Variants in MIAT observed in about 807,000 individuals in gnomAD.
The protein encoded by MIAT is myocardial infarction associated transcript.
At chr22:26,647,369 G>C (rs1050037820) in intron 2 of MIAT, 1 of 344,834 alleles carries the variant, frequency 2.9e-6, no homozygotes. Context: ...GGGGACGTGG[G>C]GGGTGGAGAG....
Position 26,652,443 on chromosome 22 carries a change from C to T in MIAT, n.646+5132C>T, listed in dbSNP as rs538872700. 1.1e-4 allele frequency among the ~76,000 whole-genome samples: 16 copies of T among 152,144 alleles called. No individual in the cohort carries two copies. In the South Asian group the frequency reaches 3.3e-3, roughly 32 times the overall value. ...CATGATCTCACCTCACTGCAACCTC[C>T]AACTCCCGGGTTCAAGCAATTCTCC... On this transcript the variant is annotated intron_variant and non_coding_transcript_variant, in intron 2 of 5. Coordinates refer to ENST00000643270, the Ensembl canonical transcript of MIAT.
downstream of MIAT, chr22:26,672,319 G>A (rs1602373882): frequency 2.5e-6 from 1 of 399,138 alleles, no homozygotes; most frequent in Non-Finnish European, 4.4e-6. Flanking sequence ...GTAGACAGAT[G>A]TCCCACTTTG....
intron 2 of MIAT, among the ~76,000 whole-genome samples, chr22:26,652,824 G>A (rs1279090257): frequency 1.3e-5 from 2 of 152,152 alleles, no homozygotes; most frequent in African/African-American, 4.8e-5. Flanking sequence ...GAATTCTCCT[G>A]GAAATCTGGG....
chr22:26,652,715 C>G (rs1052900078), intron 2 of MIAT, among the ~76,000 whole-genome samples: 1 of 152,148 alleles, frequency 6.6e-6, no homozygotes, highest in African/African-American at 2.4e-5. Context: ...CAATGGGAAC[C>G]CTGGCCTCCA....
chr22:26,653,354 G>C (rs954717026), intron 2 of MIAT, among the ~76,000 whole-genome samples: 6 of 152,182 alleles, frequency 3.9e-5, no homozygotes, highest in Admixed American at 3.9e-4. Flanking sequence ...CTGAGTTACA[G>C]TCTATTTGCA....
At chr22:26,668,224 T>C (rs370059768) in exon 6 of MIAT, 62 of 398,694 alleles carry the variant, frequency 1.6e-4, no homozygotes, top group East Asian at 1.4e-3. Context: ...TCGGGTGACC[T>C]TGGATTCTGG....
At chr22:26,665,769 A>G (rs1988023805) in exon 4 of MIAT, 1 of 398,666 alleles carries the variant, frequency 2.5e-6, no homozygotes, top group Non-Finnish European at 4.4e-6. Flanking sequence ...AGAAAGAAAG[A>G]GCCTGTCCCC....
At chr22:26,657,746 G>A in intron 2 of MIAT, 1 of 398,390 alleles carries the variant, frequency 2.5e-6, no homozygotes, top group South Asian at 1.3e-4. Context: ...TGGGGTCGAG[G>A]GTAGGTCCCA....
At chr22:26,654,989 G>A (rs5761662) in intron 2 of MIAT, among the ~76,000 whole-genome samples, 26,918 of 152,172 alleles carry the variant, frequency 0.18, 2,693 homozygotes, top group East Asian at 0.35. Context: ...TGGGATTACA[G>A]GCGTGAGCTG....
At chr22:26,655,503 TG>T (rs1930411678) in intron 2 of MIAT, among the ~76,000 whole-genome samples, 2 of 152,354 alleles carry the variant, frequency 1.3e-5, no homozygotes, top group South Asian at 4.1e-4. Flanking sequence ...AAATATGTCG[TG>T]AGCCCTTACT....
chr22:26,676,328 G>A (rs1931263605), exon 5 of MIAT: 1 of 398,650 alleles, frequency 2.5e-6, no homozygotes, highest in East Asian at 3.6e-5. Flanking sequence ...GATACCGAAT[G>A]TGTGGGTAGA....
chr22:26,673,992 A>G (rs765646566), downstream of MIAT: 2 of 398,694 alleles, frequency 5.0e-6, no homozygotes, highest in Non-Finnish European at 8.8e-6. Context: ...TGCAGCTCTT[A>G]TAAACCTTAA....
At chr22:26,648,060 G>A (rs1226826318) in intron 2 of MIAT, among the ~76,000 whole-genome samples, 1 of 152,198 alleles carries the variant, frequency 6.6e-6, no homozygotes, top group African/African-American at 2.4e-5. Context: ...GTGGCTGAGA[G>A]GGGTGGCGGC....
rs58654108 is a variant in MIAT at position 26,661,917 on chromosome 22, C to CAT, written n.647-1355_647-1354dup. Among the ~76,000 whole-genome samples, 570 of 80,134 alleles carry CAT rather than the reference C, an allele frequency of 7.1e-3. 1 individual carries two copies. The highest frequency in any genetic ancestry group is 0.011 in the Non-Finnish European group (416 of 36,690). 52.6% of individuals were successfully genotyped at this position (80,134 alleles called of 152,430 possible). ...ATATATATATGGATCTATATAGATCCATATATATATATATATATATATATA... is the reference window on the plus strand; with the variant it reads ...ATATATATATGGATCTATATAGATCCATATATATATATATATATATATATATA... On this transcript the variant is annotated intron_variant and non_coding_transcript_variant, in intron 2 of 5. Transcript: ENST00000643270.
chr22:26,673,338 C>T, downstream of MIAT: 2 of 398,866 alleles, frequency 5.0e-6, no homozygotes, highest in Non-Finnish European at 8.8e-6. Context: ...TTTCTTTGGG[C>T]TAATCTCTGG....
chr22:26,663,893 C>G (rs938846390), intron 3 of MIAT, among the ~76,000 whole-genome samples: 1 of 151,452 alleles, frequency 6.6e-6, no homozygotes, highest in East Asian at 1.9e-4. Context: ...AATCCCCTCT[C>G]AGCCCCAGTC....
chr22:26,649,833 A>G (rs1930306666), intron 2 of MIAT, among the ~76,000 whole-genome samples: 1 of 152,220 alleles, frequency 6.6e-6, no homozygotes, highest in Admixed American at 6.5e-5. Flanking sequence ...GAATTGCTTG[A>G]ACCTGGGAGG....
At chr22:26,650,349 T>C (rs1930315784) in intron 2 of MIAT, 1 of 152,206 alleles carries the variant, frequency 6.6e-6, no homozygotes, top group Admixed American at 6.5e-5. Context: ...CTCCTTAAGT[T>C]GTTTGTTAAG....
chr22:26,661,459 A>G (rs1457823855), intron 2 of MIAT, among the ~76,000 whole-genome samples: 2 of 152,080 alleles, frequency 1.3e-5, no homozygotes, highest in African/African-American at 4.8e-5. Context: ...GCTATTGTAT[A>G]CTCAAAGGTG....
Sources: allele counts gnomAD v4.1 joint callset (sites outside exome capture counted in the v4.1 genomes callset), GRCh38; gene constraint gnomAD v4.1.1; transcripts MANE v1.5; gene names NCBI Gene and HGNC (gene_info 2026-07-23, HGNC 2026-07-21).